EXOC4: variants seen among roughly 807,000 people sequenced by gnomAD.
EXOC4 encodes the protein SEC8-like 1.
EXOC4 carries 71 observed loss-of-function variants against 107.2 expected under a neutral mutation model. The observed-to-expected ratio is 0.66, with a 90% CI of 0.55 to 0.81. The LOEUF (loss-of-function observed/expected upper bound fraction) is 0.81. Among genes scored for constraint, EXOC4 ranks in the 30% least tolerant of loss-of-function variants. The pLI, the probability that EXOC4 is intolerant of heterozygous loss-of-function variation, is 0.00. For missense variants in EXOC4, 1,108 were observed against 1,189.6 expected, an observed-to-expected ratio of 0.93 and a Z score of 1.01; for synonymous variants, 456 against 441.2, an observed-to-expected ratio of 1.03 and a Z score of -0.42.
At chr7:133,819,266 T>C (rs998462717) in intron 11 of EXOC4, among the ~76,000 whole-genome samples, 19 of 126,332 alleles carry the variant, frequency 1.5e-4, no homozygotes, top group Non-Finnish European at 2.2e-4. Context: ...TTGAATTATC[T>C]AAATGGAATA....
At chr7:134,071,085 A>G (rs575693365), downstream of EXOC4, among the ~76,000 whole-genome samples, 5 of 152,372 alleles carry the variant, frequency 3.3e-5, no homozygotes, top group South Asian at 1.0e-3. Flanking sequence ...GACACCATTT[A>G]TGGAACACTT....
chr7:133,411,973 C>A (rs1284436332), intron 7 of EXOC4, among the ~76,000 whole-genome samples: 1 of 152,110 alleles, frequency 6.6e-6, no homozygotes, highest in African/African-American at 2.4e-5. Context: ...TGGAGTACAT[C>A]ATTATAACAA....
chr7:133,419,058 A>C (rs1797543731), intron 7 of EXOC4, among the ~76,000 whole-genome samples: 1 of 152,192 alleles, frequency 6.6e-6, no homozygotes, highest in Non-Finnish European at 1.5e-5. Flanking sequence ...AGTGTTGTAC[A>C]GCAGAGGAAA....
chr7:133,380,238 TAAAAATAAAA>T (rs1796584753), intron 7 of EXOC4, among the ~76,000 whole-genome samples: 1 of 113,040 alleles, frequency 8.8e-6, no homozygotes, highest in Non-Finnish European at 1.9e-5. Context: ...TAAAGTATAA[TAAAAATAAAA>T]TAAAATAAAA....
chr7:134,053,764 T>G (rs1795855332), intron 17 of EXOC4, among the ~76,000 whole-genome samples: 1 of 151,788 alleles, frequency 6.6e-6, no homozygotes, highest in Admixed American at 6.6e-5. Flanking sequence ...GACCAGAATC[T>G]CCTTTAATCT....
At chr7:133,309,187 G>GT (rs927763185) in intron 4 of EXOC4, among the ~76,000 whole-genome samples, 1 of 152,166 alleles carries the variant, frequency 6.6e-6, no homozygotes, top group Non-Finnish European at 1.5e-5. Flanking sequence ...CCTCTTTAAT[G>GT]TGAGAGGAAG....
At chr7:134,066,852 A>G (rs1796184328), downstream of EXOC4, among the ~76,000 whole-genome samples, 1 of 152,124 alleles carries the variant, frequency 6.6e-6, no homozygotes, top group Admixed American at 6.6e-5. Flanking sequence ...GTGCTATTGC[A>G]GATAAGAAGG....
At chr7:133,647,027 G>C (rs772418068) in intron 10 of EXOC4, among the ~76,000 whole-genome samples, 7 of 152,104 alleles carry the variant, frequency 4.6e-5, no homozygotes, top group Non-Finnish European at 1.0e-4. Flanking sequence ...AAAGCCATAA[G>C]GAGTCAAATT....
At chr7:133,832,128 A>G (rs1797824070) in intron 11 of EXOC4, among the ~76,000 whole-genome samples, 1 of 152,240 alleles carries the variant, frequency 6.6e-6, no homozygotes, top group African/African-American at 2.4e-5. Context: ...ATCAGCTAGT[A>G]TACAGTGCTT....
chr7:133,553,281 G>T (rs1010734761), intron 9 of EXOC4, among the ~76,000 whole-genome samples: 8 of 152,234 alleles, frequency 5.3e-5, no homozygotes, highest in Non-Finnish European at 1.0e-4. Context: ...AACTAATTCA[G>T]GCCTTTTGCC....
chr7:134,032,403 C>G (rs907351507), intron 17 of EXOC4, among the ~76,000 whole-genome samples: 2 of 152,182 alleles, frequency 1.3e-5, no homozygotes, highest in African/African-American at 4.8e-5. Context: ...AAACTGTTGC[C>G]CCTGCCACCA....
intron 10 of EXOC4, 99 bp downstream of exon 10, chr7:133,630,240 C>A: frequency 2.3e-6 from 2 of 876,354 alleles, no homozygotes; most frequent in South Asian, 1.7e-5. Context: ...TGAAACAAGT[C>A]ATAAAAGAAA....
At chr7:134,061,647 T>G (rs1796060608) in intron 17 of EXOC4, among the ~76,000 whole-genome samples, 1 of 152,196 alleles carries the variant, frequency 6.6e-6, no homozygotes. Flanking sequence ...GATGCACGCA[T>G]GAGCTCTTCT....
At chr7:133,696,390 C>T (rs1794534019) in intron 10 of EXOC4, among the ~76,000 whole-genome samples, 1 of 152,150 alleles carries the variant, frequency 6.6e-6, no homozygotes, top group South Asian at 2.1e-4. Flanking sequence ...AATACTATTC[C>T]TCACTCCCCT....
chr7:133,471,816 A>G (rs1798886418), intron 7 of EXOC4, among the ~76,000 whole-genome samples: 1 of 152,316 alleles, frequency 6.6e-6, no homozygotes, highest in South Asian at 2.1e-4. Flanking sequence ...GAACATATAA[A>G]TTGGGGGTAG....
At chr7:133,926,952 TG>T (rs2116679692) in intron 13 of EXOC4, among the ~76,000 whole-genome samples, 1 of 152,290 alleles carries the variant, frequency 6.6e-6, no homozygotes, top group South Asian at 2.1e-4. Context: ...AGTTATTATT[TG>T]GCACGAGTCA....
intron 14 of EXOC4, among the ~76,000 whole-genome samples, chr7:133,951,386 C>T (rs1374200336): frequency 6.6e-6 from 1 of 152,218 alleles, no homozygotes; most frequent in Non-Finnish European, 1.5e-5. Context: ...GTATACACAA[C>T]ACCTGGTACA....
chr7:133,253,394 G>A (rs1201849976), intron 1 of EXOC4: 9 of 1,321,228 alleles, frequency 6.8e-6, no homozygotes, highest in Non-Finnish European at 7.7e-6. Flanking sequence ...AGAGAGAGGA[G>A]CCCCGCCTCA....
At chr7:133,595,161 GAGA>G (rs796751553) in intron 9 of EXOC4, among the ~76,000 whole-genome samples, 2 of 152,290 alleles carry the variant, frequency 1.3e-5, no homozygotes, top group African/African-American at 4.8e-5. Flanking sequence ...AGGAAAGGAA[GAGA>G]AGGAGGATGG....
Sources: allele counts gnomAD v4.1 joint callset (sites outside exome capture counted in the v4.1 genomes callset), GRCh38; gene constraint gnomAD v4.1.1; transcripts MANE v1.5; gene names NCBI Gene and HGNC (gene_info 2026-07-23, HGNC 2026-07-21).